The following BTBD18 variants were observed in gnomAD, a reference collection of about 807,000 sequenced individuals.
BTBD18 encodes the protein BTB/POZ domain-containing protein 18.
For synonymous variants in BTBD18, 311 were observed against 324.4 expected (o/e 0.96, Z 0.44); for missense variants, 787 against 846.3 (o/e 0.93, Z 0.87).
Position 57,745,481 on chromosome 11 carries a change from C to G in BTBD18, c.792G>C (p.Arg264Ser), listed in dbSNP as rs1264558227. ...CAGGAGATGGCTTTGAGCGACTGAG[C>G]CTGATCTTTCTGGGCAACAGGTGTT... ...VDKHLLPRKI[R>S]LSRSKPSPGI... Residue 264 changes from arginine (R) to serine (S), a missense_variant, in exon 3 of 3, where the codon AGG becomes AGC. Arg to Ser is a moderately radical substitution (Grantham distance 110, BLOSUM62 -1). Coordinates refer to ENST00000422652, the MANE Select transcript of BTBD18 (RefSeq NM_001145101.3). 12 of 1,549,882 alleles carry G rather than the reference C, an allele frequency of 7.7e-6. No individual in the cohort carries two copies. The East Asian group carries it at 2.9e-4, about 38-fold the overall frequency.
rs1354395627 is a variant in BTBD18, at chr11:57,745,353, GTTTC to G, written c.916_919del (p.Glu306HisfsTer136). On this transcript the variant is annotated frameshift_variant, in exon 3 of 3. Coordinates refer to ENST00000422652, the MANE Select transcript of BTBD18 (RefSeq NM_001145101.3). LOFTEE classifies it low-confidence loss of function (END_TRUNC). ...GCCTGGTTTTGGCTTGTCCTCTGGT[GTTTC>G]TTTATTTACACTCCTCTGCCGCCAA... 6.4e-7 allele frequency: 1 copy of G among 1,551,586 alleles called. No homozygotes were observed. Among genetic ancestry groups the G allele is most frequent in the African/African-American group, 1.4e-5 (1 of 73,048 alleles).
At chr11:57,750,916 G>T in intron 2 of BTBD18, 149 bp downstream of exon 2, 1 of 521,318 alleles carries the variant, frequency 1.9e-6, no homozygotes, top group East Asian at 3.5e-5. Flanking sequence ...AGTAGTAATT[G>T]TCCTAGAAAC....
Position 57,745,876 on chromosome 11 carries a change from C to T in BTBD18, c.397G>A (p.Ala133Thr), listed in dbSNP as rs1437777005. 12 of 1,551,532 alleles carry T rather than the reference C, an allele frequency of 7.7e-6. No homozygotes were observed. Among genetic ancestry groups the T allele is most frequent in the African/African-American group, 1.4e-5 (1 of 73,028 alleles). The change falls in exon 3 of 3, where the codon GCC becomes ACC. Residue 133 changes from alanine to threonine, a missense_variant. By Grantham distance (58) the Ala-to-Thr change is moderately conservative. Transcript: ENST00000422652. Reference sequence around the variant, plus strand: ...CGGTTCAGCCTTCGGCCCTGTGGGGCCTTCACCAACTTTCCACCCTCAAGC... The same window carrying T: ...CGGTTCAGCCTTCGGCCCTGTGGGGTCTTCACCAACTTTCCACCCTCAAGC... ...LQLEGGKLVK[A>T]PQGRRLNREC...
Position 57,743,971 on chromosome 11 carries a change from G to T in BTBD18, c.*163C>A. On this transcript the variant is annotated 3_prime_UTR_variant, in exon 3 of 3. Coordinates refer to ENST00000422652, the MANE Select transcript of BTBD18 (RefSeq NM_001145101.3). ...TCTATCTATGGTACCCTTGGCTTCTGCCTGGCTTCTGAGGCTTAGGGAAGG... is the reference window on the plus strand; with the variant it reads ...TCTATCTATGGTACCCTTGGCTTCTTCCTGGCTTCTGAGGCTTAGGGAAGG... 1 of 571,264 alleles carries T rather than the reference G, an allele frequency of 1.8e-6. No individual in the cohort carries two copies. Among genetic ancestry groups the T allele is most frequent in the Non-Finnish European group, 3.1e-6 (1 of 320,536 alleles). The allele number at this position is 571,264 out of a possible 1,614,324, so 35.4% of individuals were successfully genotyped here. A position where few individuals can be genotyped will look rare whatever the true frequency, so the allele number is the denominator to read the frequency against.
At position 57,744,584 on chromosome 11, in the gene BTBD18, A is replaced by C. The variant is rs1295381045; in HGVS notation, c.1689T>G (p.Gly563=). The C allele has an allele frequency of 6.4e-7, 1 of 1,551,588 alleles. No homozygotes were observed. Among genetic ancestry groups the C allele is most frequent in the Admixed American group, 2.0e-5 (1 of 50,990 alleles). ...ELTELEKEPA[G]ENRGPTELLS... Reference sequence around the variant, plus strand: ...GGAGCTCAGTTGGCCCTCTGTTCTCACCAGCAGGTTCCTTTTCCAATTCTG... The same window carrying C: ...GGAGCTCAGTTGGCCCTCTGTTCTCCCCAGCAGGTTCCTTTTCCAATTCTG... The change falls in exon 3 of 3, where the codon GGT becomes GGG. Residue 563 remains glycine, a synonymous_variant. Coordinates refer to ENST00000422652, the MANE Select transcript of BTBD18 (RefSeq NM_001145101.3).
At chr11:57,746,660 G>C (rs983821652) in intron 2 of BTBD18, among the ~76,000 whole-genome samples, 9 of 151,888 alleles carry the variant, frequency 5.9e-5, no homozygotes, top group Non-Finnish European at 1.2e-4. Context: ...ATCTACCTTT[G>C]TCATCACTTC....
chr11:57,743,939 A>G lies in BTBD18; in HGVS notation c.*195T>C. Reference sequence around the variant, plus strand: ...ATTACAAATAAGATGGTACAAGTTCATAATTTTCTATCTATGGTACCCTTG... The same window carrying G: ...ATTACAAATAAGATGGTACAAGTTCGTAATTTTCTATCTATGGTACCCTTG... On this transcript the variant is annotated 3_prime_UTR_variant, in exon 3 of 3. Transcript: ENST00000422652. The G allele has an allele frequency of 1.9e-6, 1 of 535,350 alleles. No homozygotes were observed. Among genetic ancestry groups the G allele is most frequent in the South Asian group, 2.8e-5 (1 of 35,850 alleles). The allele number at this position is 535,350 out of a possible 1,614,324, so 33.2% of individuals were successfully genotyped here. A position where few individuals can be genotyped will look rare whatever the true frequency, so the allele number is the denominator to read the frequency against.
At chr11:57,746,257 T>C in intron 2 of BTBD18, 109 bp from the exon 3 acceptor site, 1 of 860,714 alleles carries the variant, frequency 1.2e-6, no homozygotes. Context: ...TTTCCTTCCA[T>C]GGGACTTCAA....
At chr11:57,747,504 TTTTG>T (rs1223834000) in intron 2 of BTBD18, among the ~76,000 whole-genome samples, 2 of 151,416 alleles carry the variant, frequency 1.3e-5, no homozygotes, top group East Asian at 3.9e-4. Context: ...TATCAGGGTT[TTTTG>T]TTTTTGTTTT....
At chr11:57,749,471 C>T (rs1013157559) in intron 2 of BTBD18, among the ~76,000 whole-genome samples, 4 of 152,184 alleles carry the variant, frequency 2.6e-5, no homozygotes, top group Admixed American at 1.3e-4. Context: ...GAGACATGGC[C>T]GGGTGTGTGG....
chr11:57,749,745 C>CAAAAAAAAAAAAAAAAAAAAA (rs576323420), intron 2 of BTBD18, among the ~76,000 whole-genome samples: 1 of 62,944 alleles, frequency 1.6e-5, no homozygotes, highest in Non-Finnish European at 2.8e-5. Context: ...GCAAGAATCT[C>CAAAAAAAAAAAAAAAAAAAAA]AAAAAAAAAA....
At chr11:57,751,849 C>G (rs1370128160), upstream of BTBD18, 1 of 152,308 alleles carries the variant, frequency 6.6e-6, no homozygotes, top group East Asian at 1.9e-4. Flanking sequence ...ATCACACTAA[C>G]CAGCAGAGGG....
Position 57,751,278 on chromosome 11 carries a change from A to G in BTBD18, c.-48-42T>C, listed in dbSNP as rs992964576. ...ACATTTCAGAGGCATGGTTACATCT[A>G]ATTTGTTTTTTGTCTTTGAAATGGC... On this transcript the variant is annotated intron_variant, in intron 1 of 2. Transcript: ENST00000422652. 4.4e-6 allele frequency: 5 copies of G among 1,126,958 alleles called. No homozygotes were observed. In the African/African-American group the frequency reaches 8.1e-5, roughly 18 times the overall value. The allele number at this position is 1,126,958 out of a possible 1,614,324, so 69.8% of individuals were successfully genotyped here.
chr11:57,744,403 C>T lies in BTBD18; in HGVS notation c.1870G>A (p.Gly624Arg). 6.4e-7 allele frequency: 1 copy of T among 1,551,662 alleles called. No homozygotes were observed. The highest frequency in any genetic ancestry group is 2.4e-5 in the East Asian group (1 of 40,926). ...TTTGAGCAGGGAGGTGAGAGGTCCC[C>T]ATAAGACCTCTGGGGAGTATCAAGG... ...SSLDTPQRSYGDLSPPCSNWV... is the reference protein window; with the variant it reads ...SSLDTPQRSYRDLSPPCSNWV... The change falls in exon 3 of 3, where the codon GGG becomes AGG. Residue 624 changes from glycine (G) to arginine (R), a missense_variant. Transcript: ENST00000422652.
Position 57,746,110 on chromosome 11 carries a change from A to G in BTBD18, c.163T>C (p.Cys55Arg), listed in dbSNP as rs541166003. The change falls in exon 3 of 3, where the codon TGT becomes CGT. Residue 55 changes from cysteine to arginine, a missense_variant. Transcript: ENST00000422652. ...AGGCGCTCTGTGAAGAAGGGGCTAC[A>G]AGCTGACAGGATGCAGCAGTGAGCT... ...VPAHCCILSA[C>R]SPFFTERLER... 1 of 1,550,882 alleles carries G rather than the reference A, an allele frequency of 6.4e-7. No individual in the cohort carries two copies. Among genetic ancestry groups the G allele is most frequent in the South Asian group, 1.2e-5 (1 of 83,984 alleles).
At chr11:57,746,830 C>G (rs1251501200) in intron 2 of BTBD18, among the ~76,000 whole-genome samples, 1 of 143,554 alleles carries the variant, frequency 7.0e-6, no homozygotes, top group Non-Finnish European at 1.5e-5. Flanking sequence ...AAAAAGCCTT[C>G]CTCCACCCCA....
chr11:57,747,064 AC>A (rs1447718705), intron 2 of BTBD18, among the ~76,000 whole-genome samples: 1 of 152,180 alleles, frequency 6.6e-6, no homozygotes, highest in African/African-American at 2.4e-5. Context: ...GAGTTCAAAA[AC>A]TTTTATAGAA....
chr11:57,752,674 C>T (rs1949337685), upstream of BTBD18, among the ~76,000 whole-genome samples: 3 of 152,202 alleles, frequency 2.0e-5, 1 homozygote. Context: ...AGACTTTGCT[C>T]CTGTTGCCTT....
In BTBD18 at chr11:57,744,369, T is replaced by A; in HGVS notation, c.1904A>T (p.Glu635Val). The A allele has an allele frequency of 1.9e-6, 3 of 1,551,638 alleles. No homozygotes were observed. The highest frequency in any genetic ancestry group is 2.6e-6 in the Non-Finnish European group (3 of 1,146,946). Residue 635 changes from glutamate to valine, a missense_variant, in exon 3 of 3, where the codon GAG (glutamate) becomes GTG (valine). Physicochemically the swap from Glu to Val is moderately radical, Grantham distance 121. Transcript: ENST00000422652. ...AGTCAAGGAGACTTCCAGCCCAGTC[T>A]CCACCCAGTTTGAGCAGGGAGGTGA... ...DLSPPCSNWVETGLEVSLTTD... is the reference protein window; with the variant it reads ...DLSPPCSNWVVTGLEVSLTTD...
Sources: gnomAD v4.1 joint callset for allele counts (sites outside exome capture counted in the v4.1 genomes callset) on GRCh38, gnomAD v4.1.1 for gene constraint, MANE v1.5 for transcripts, NCBI Gene and HGNC (gene_info 2026-07-23, HGNC 2026-07-21) for gene names.